MAGI2: variants seen among roughly 807,000 people sequenced by gnomAD.
The protein encoded by MAGI2 is membrane associated guanylate kinase, WW and PDZ domain containing 2.
A neutral mutation model predicts 133.3 loss-of-function variants in MAGI2; 35 were observed. That is an observed-to-expected ratio of 0.26 (90% CI 0.20 to 0.35). The LOEUF is 0.35. Ranked by LOEUF, MAGI2 falls within the 10% of genes least tolerant of loss-of-function variation. The pLI, the probability that MAGI2 is intolerant of heterozygous loss-of-function variation, is 1.00. For missense variants in MAGI2, 1,636 were observed against 1,863.4 expected, an observed-to-expected ratio of 0.88 and a Z score of 2.25; for synonymous variants, 729 against 710.6, an observed-to-expected ratio of 1.03 and a Z score of -0.41.
intron 2 of MAGI2, among the ~76,000 whole-genome samples, chr7:78,643,560 A>G (rs1259167835): frequency 8.5e-5 from 13 of 152,096 alleles, no homozygotes; most frequent in Non-Finnish European, 2.9e-5. Context: ...ATCCTGGAGG[A>G]CTCAAGTTAT....
chr7:79,318,082 C>A (rs1004971835), intron 1 of MAGI2, among the ~76,000 whole-genome samples: 10 of 152,136 alleles, frequency 6.6e-5, no homozygotes, highest in African/African-American at 2.4e-4. Context: ...AGGTAGCCCA[C>A]AGCCACCTTC....
chr7:79,446,884 G>A (rs1404812201), intron 1 of MAGI2, among the ~76,000 whole-genome samples: 3 of 152,204 alleles, frequency 2.0e-5, no homozygotes, highest in African/African-American at 4.8e-5. Flanking sequence ...CCCGGGAGGC[G>A]GAGATTGCAG....
intron 1 of MAGI2, among the ~76,000 whole-genome samples, chr7:79,027,146 T>C (rs1809973367): frequency 6.6e-6 from 1 of 151,248 alleles, no homozygotes; most frequent in African/African-American, 2.4e-5. Context: ...ATGGAGTTTC[T>C]AAAAAAAATA....
chr7:78,939,368 T>C (rs1035685088), intron 2 of MAGI2, among the ~76,000 whole-genome samples: 1 of 152,118 alleles, frequency 6.6e-6, no homozygotes, highest in Admixed American at 6.6e-5. Context: ...GGCTTTGAAA[T>C]GTGGATGGGA....
chr7:79,375,715 C>T (rs923809602), intron 1 of MAGI2, among the ~76,000 whole-genome samples: 3 of 151,636 alleles, frequency 2.0e-5, no homozygotes, highest in Non-Finnish European at 2.9e-5. Flanking sequence ...TTGAGGAATG[C>T]AGAAAGTGAT....
chr7:79,119,974 A>G (rs2129544551), intron 1 of MAGI2, among the ~76,000 whole-genome samples: 1 of 152,232 alleles, frequency 6.6e-6, no homozygotes, highest in African/African-American at 2.4e-5. Context: ...ATATGTTTAA[A>G]TTCAAATGAG....
intron 2 of MAGI2, among the ~76,000 whole-genome samples, chr7:78,649,353 T>C (rs556115949): frequency 1.1e-4 from 16 of 151,938 alleles, no homozygotes; most frequent in African/African-American, 3.6e-4. Flanking sequence ...TAGGAGACTA[T>C]ACACTAATTC....
chr7:78,426,151 A>C (rs905323892), intron 6 of MAGI2, among the ~76,000 whole-genome samples: 2 of 152,206 alleles, frequency 1.3e-5, no homozygotes, highest in Admixed American at 1.3e-4. Context: ...AAAGGAACAA[A>C]TGTAATTCAG....
intron 2 of MAGI2, among the ~76,000 whole-genome samples, chr7:78,900,831 T>C (rs527328657): frequency 2.1e-4 from 32 of 152,308 alleles, no homozygotes; most frequent in Non-Finnish European, 3.4e-4. Context: ...TAAATATGAA[T>C]ATAGAGTGGG....
chr7:79,320,722 T>C (rs565164382), intron 1 of MAGI2, among the ~76,000 whole-genome samples: 2 of 152,238 alleles, frequency 1.3e-5, no homozygotes, highest in South Asian at 4.1e-4. Flanking sequence ...TTATTCTTTA[T>C]TTTTTTAATT....
chr7:79,083,553 T>C (rs1816237366), intron 1 of MAGI2, among the ~76,000 whole-genome samples: 1 of 151,814 alleles, frequency 6.6e-6, no homozygotes, highest in South Asian at 2.1e-4. Context: ...ATGCTTTTTA[T>C]ATGTTGTGGG....
intron 9 of MAGI2, among the ~76,000 whole-genome samples, chr7:78,260,984 A>G (rs1584608526): frequency 6.6e-6 from 1 of 151,810 alleles, no homozygotes; most frequent in African/African-American, 2.4e-5. Flanking sequence ...AGTTATTTTT[A>G]TACCTCTTTC....
At chr7:79,446,040 G>A (rs1488833831) in intron 1 of MAGI2, among the ~76,000 whole-genome samples, 2 of 152,084 alleles carry the variant, frequency 1.3e-5, no homozygotes, top group African/African-American at 4.8e-5. Context: ...GCTGGAAACC[G>A]TCATTCTCAG....
Position 78,160,126 on chromosome 7 carries a change from C to G in MAGI2, c.2744G>C (p.Ser915Thr). The change falls in exon 16 of 22, where the codon AGC becomes ACC. Residue 915 changes from serine to threonine, a missense_variant. By Grantham distance (58) the Ser-to-Thr change is moderately conservative. This residue lies in a region of MAGI2 where 920 missense variants were observed against 1,093.5 expected (regional missense o/e 0.84). Coordinates refer to ENST00000354212, the MANE Select transcript of MAGI2 (RefSeq NM_012301.4). ...ASPPEGFASH[S>T]LQTSDVVIHR... ...AATGACCACATCACTGGTCTGCAGG[C>G]TGTGGGAGGCGAAGCCTTCAGGGGG... 6.2e-7 allele frequency: 1 copy of G among 1,612,070 alleles called. No individual in the cohort carries two copies. Among genetic ancestry groups the G allele is most frequent in the Non-Finnish European group, 8.5e-7 (1 of 1,179,088 alleles).
At chr7:78,694,008 A>G (rs937264799) in intron 2 of MAGI2, among the ~76,000 whole-genome samples, 9 of 152,144 alleles carry the variant, frequency 5.9e-5, no homozygotes, top group African/African-American at 2.2e-4. Context: ...CAGTGAAAAG[A>G]GCTTTGGAAA....
At chr7:79,408,824 C>T (rs1845973022) in intron 1 of MAGI2, among the ~76,000 whole-genome samples, 1 of 151,968 alleles carries the variant, frequency 6.6e-6, no homozygotes, top group South Asian at 2.1e-4. Flanking sequence ...ATGATACTGC[C>T]TCATTTAAAA....
chr7:78,275,870 C>G (rs1050943934), intron 9 of MAGI2, among the ~76,000 whole-genome samples: 20 of 152,152 alleles, frequency 1.3e-4, no homozygotes, highest in African/African-American at 4.6e-4. Flanking sequence ...AATCAGTTCT[C>G]TTAGGTCTAG....
intron 6 of MAGI2, chr7:78,484,159 C>T (rs1272167415): frequency 1.3e-5 from 2 of 151,856 alleles, no homozygotes; most frequent in Non-Finnish European, 2.9e-5. Flanking sequence ...ATCTTTTAAT[C>T]TGTGTGTCAG....
At chr7:78,540,593 C>A (rs746196110) in intron 3 of MAGI2, among the ~76,000 whole-genome samples, 20 of 152,086 alleles carry the variant, frequency 1.3e-4, no homozygotes, top group Admixed American at 4.6e-4. Context: ...TTGTTTGCCA[C>A]CCCCACCAGA....
Sources: allele counts gnomAD v4.1 joint callset (sites outside exome capture counted in the v4.1 genomes callset), GRCh38; gene constraint gnomAD v4.1.1; regional missense constraint gnomAD v4.1.1; transcripts MANE v1.5; gene names NCBI Gene and HGNC (gene_info 2026-07-23, HGNC 2026-07-21).